PTTG1: variants seen among roughly 807,000 people sequenced by gnomAD.
The protein encoded by PTTG1 is securin.
Under a neutral mutation model 20.0 loss-of-function variants are expected in PTTG1, and 8 were observed. That is an observed-to-expected ratio of 0.40 (90% CI 0.23 to 0.72). PTTG1 has a LOEUF of 0.72. Ranked by LOEUF, PTTG1 falls within the 30% of genes least tolerant of loss-of-function variation. The pLI, the probability that PTTG1 is intolerant of heterozygous loss-of-function variation, is 0.38. For synonymous variants in PTTG1, 79 were observed against 87.2 expected, an observed-to-expected ratio of 0.91 and a Z score of 0.52; for missense variants, 197 against 236.0, an observed-to-expected ratio of 0.83 and a Z score of 1.08.
chr5:160,428,617 C>T lies in PTTG1; in HGVS notation c.545C>T (p.Pro182Leu). The change falls in exon 6 of 6, where the codon CCT (proline) becomes CTT (leucine). Residue 182 changes from proline (P) to leucine (L), a missense_variant. Transcript: ENST00000352433. Reference sequence around the variant, plus strand: ...TGTTTTCTAGATCTGTTGCAGTCTCCTTCAAGCATTCTGTCGACCCTGGAT... The same window carrying T: ...TGTTTTCTAGATCTGTTGCAGTCTCTTTCAAGCATTCTGTCGACCCTGGAT... ...PPWESNLLQS[P>L]SSILSTLDVE... is the part of the protein sequence containing the mutation. 1 of 1,614,046 alleles carries T rather than the reference C, an allele frequency of 6.2e-7. No homozygotes were observed. Among genetic ancestry groups the T allele is most frequent in the Non-Finnish European group, 8.5e-7 (1 of 1,179,920 alleles).
chr5:160,421,950 C>T, intron 1 of PTTG1, 59 bp downstream of exon 1: 1 of 192,354 alleles, frequency 5.2e-6, no homozygotes, highest in Non-Finnish European at 1.1e-5. Context: ...GGGAAGGAGG[C>T]GGGCTGCGGC....
intron 5 of PTTG1, among the ~76,000 whole-genome samples, chr5:160,428,399 A>G (rs1765848767): frequency 6.6e-6 from 1 of 152,230 alleles, no homozygotes; most frequent in Non-Finnish European, 1.5e-5. Flanking sequence ...ATAGAGATTC[A>G]GATACTTCTA....
At position 160,428,524 on chromosome 5, in the gene PTTG1, G is replaced by T. The variant is rs115382910; in HGVS notation, c.530-78G>T. 3.3e-3 allele frequency: 4,099 copies of T among 1,239,840 alleles called. 12 individuals carry two copies. Among genetic ancestry groups the T allele is most frequent in the Middle Eastern group, 5.0e-3 (26 of 5,212 alleles). 76.8% of individuals were successfully genotyped at this position (1,239,840 alleles called of 1,614,324 possible). On this transcript the variant is annotated intron_variant, in intron 5 of 5. Transcript: ENST00000352433. ...AAGGGAAAAACATGAATTTTTGATT[G>T]ACAGCTAATGTCTATGTTGATATGG... is the stretch of plus-strand genomic sequence containing the variant.
chr5:160,427,954 G>A (rs1164730866), intron 5 of PTTG1, 81 bp downstream of exon 5: 13 of 1,536,562 alleles, frequency 8.5e-6, no homozygotes, highest in African/African-American at 1.4e-5. Context: ...AGAGTTGTGC[G>A]GGAGGTGAGC....
At chr5:160,423,505 A>G (rs999243737) in intron 3 of PTTG1, among the ~76,000 whole-genome samples, 2 of 152,270 alleles carry the variant, frequency 1.3e-5, no homozygotes, top group Non-Finnish European at 2.9e-5. Flanking sequence ...CAACTAGTGA[A>G]TTACATATAG....
At chr5:160,427,016 TA>T (rs1333033934) in intron 4 of PTTG1, among the ~76,000 whole-genome samples, 2 of 152,144 alleles carry the variant, frequency 1.3e-5, no homozygotes, top group Non-Finnish European at 2.9e-5. Context: ...CACTGCAGCC[TA>T]GGTGAAAGAG....
At chr5:160,425,915 T>G (rs1245381495) in intron 4 of PTTG1, among the ~76,000 whole-genome samples, 1 of 152,238 alleles carries the variant, frequency 6.6e-6, no homozygotes, top group Non-Finnish European at 1.5e-5. Context: ...TTTTCTAATC[T>G]TTTGAGAAAA....
intron 4 of PTTG1, among the ~76,000 whole-genome samples, chr5:160,427,456 C>T (rs79294671): frequency 0.081 from 12,290 of 152,070 alleles, 1,272 homozygotes; most frequent in African/African-American, 0.23. Context: ...AAACTACAAG[C>T]GAAGAAGGAT....
At chr5:160,423,181 A>AACG (rs398072642) in intron 3 of PTTG1, among the ~76,000 whole-genome samples, 2 of 152,120 alleles carry the variant, frequency 1.3e-5, no homozygotes, top group Non-Finnish European at 2.9e-5. Context: ...TTACAGATAC[A>AACG]TACTGAGAGA....
intron 5 of PTTG1, 110 bp from the exon 6 acceptor site, chr5:160,428,492 T>G: frequency 1.0e-6 from 1 of 982,860 alleles, no homozygotes; most frequent in East Asian, 2.4e-5. Flanking sequence ...AGGTGATTGA[T>G]TTGACAAAGG....
chr5:160,422,633 A>G (rs1765736606), intron 2 of PTTG1, 76 bp from the exon 3 acceptor site: 2 of 1,555,690 alleles, frequency 1.3e-6, no homozygotes, highest in African/African-American at 1.4e-5. Flanking sequence ...TGAGAGGTCA[A>G]GTTTATATAC....
At chr5:160,423,637 C>T (rs941737095) in intron 3 of PTTG1, among the ~76,000 whole-genome samples, 13 of 152,100 alleles carry the variant, frequency 8.5e-5, no homozygotes, top group Non-Finnish European at 1.3e-4. Context: ...GTGAGAACCC[C>T]ATAGGGAATT....
intron 4 of PTTG1, chr5:160,424,605 A>C (rs1265284112): frequency 3.6e-6 from 1 of 276,020 alleles, no homozygotes; most frequent in East Asian, 7.5e-5. Context: ...TGAACATTGA[A>C]TAAGTCCCAT....
At chr5:160,427,562 T>G (rs1344686157) in intron 4 of PTTG1, among the ~76,000 whole-genome samples, 153 bp from the exon 5 acceptor site, 1 of 152,212 alleles carries the variant, frequency 6.6e-6, no homozygotes. Context: ...GGTACCATCA[T>G]TACAAATGTC....
At chr5:160,421,990 T>C (rs928355266) in intron 1 of PTTG1, 99 bp downstream of exon 1, 2 of 192,226 alleles carry the variant, frequency 1.0e-5, no homozygotes, top group South Asian at 1.7e-4. Context: ...GGGGCTGGGG[T>C]TGGGGGACTG....
At chr5:160,423,029 G>A in intron 3 of PTTG1, 136 bp downstream of exon 3, 1 of 859,620 alleles carries the variant, frequency 1.2e-6, no homozygotes, top group Non-Finnish European at 1.8e-6. Context: ...GAGTAGTGGA[G>A]GAGACTCAGA....
At position 160,424,149 on chromosome 5, in the gene PTTG1, AAGGC is replaced by A. The variant is rs1765766967; in HGVS notation, c.277-85_277-82del. On this transcript the variant is annotated intron_variant, in intron 3 of 5. Coordinates refer to ENST00000352433, the MANE Select transcript of PTTG1 (RefSeq NM_004219.4). Reference sequence around the variant, plus strand: ...AAAACTAAGGATTATGGCTTCTTAGAAGGCAGCATGAAATTGACAAATTTAAAAA... The same window carrying A: ...AAAACTAAGGATTATGGCTTCTTAGAAGCATGAAATTGACAAATTTAAAAA... 5.6e-6 allele frequency: 5 copies of A among 885,416 alleles called. No homozygotes were observed. In the South Asian group the frequency reaches 8.1e-5, roughly 14 times the overall value. 54.8% of individuals were successfully genotyped at this position (885,416 alleles called of 1,614,324 possible).
At chr5:160,427,947 GT>G in intron 5 of PTTG1, 74 bp downstream of exon 5, 1 of 1,576,006 alleles carries the variant, frequency 6.3e-7, no homozygotes, top group South Asian at 1.1e-5. Flanking sequence ...CATGGGAAGA[GT>G]TGTGCGGGAG....
chr5:160,426,429 GT>G (rs1195371333), intron 4 of PTTG1, among the ~76,000 whole-genome samples: 3 of 152,114 alleles, frequency 2.0e-5, no homozygotes, highest in Non-Finnish European at 4.4e-5. Context: ...GTGTGGATAG[GT>G]TTTTTTGCCA....
Sources: allele counts gnomAD v4.1 joint callset (sites outside exome capture counted in the v4.1 genomes callset), GRCh38; gene constraint gnomAD v4.1.1; transcripts MANE v1.5; gene names NCBI Gene and HGNC (gene_info 2026-07-23, HGNC 2026-07-21).